Variants in STEAP3 observed in about 807,000 individuals in gnomAD.
STEAP3 encodes the protein metalloreductase STEAP3.
STEAP3 carries 35 observed loss-of-function variants against 34.9 expected under a neutral mutation model. The observed-to-expected ratio is 1.00, with a 90% CI of 0.76 to 1.33. The LOEUF is 1.33. STEAP3 is among the 40% of genes most tolerant of loss of function. The pLI, the probability that STEAP3 is intolerant of heterozygous loss-of-function variation, is 0.00. For synonymous variants in STEAP3, 281 were observed against 301.6 expected, an observed-to-expected ratio of 0.93 and a Z score of 0.71; for missense variants, 652 against 667.6, an observed-to-expected ratio of 0.98 and a Z score of 0.26.
rs974618962 is a variant in STEAP3, at chr2:119,263,434, G to A, written c.*96G>A. On this transcript the variant is annotated 3_prime_UTR_variant, in exon 6 of 6. Transcript: ENST00000393110. ...CTTGGTGGTGCAAAGTGGTATAACT[G>A]TGTGCAAATAGGAGGTTTGAGGTCC... The A allele has an allele frequency of 1.5e-5, 23 of 1,524,842 alleles. No homozygotes were observed. In the African/African-American group the frequency reaches 2.7e-4, roughly 18 times the overall value. The allele number at this position is 1,524,842 out of a possible 1,614,324, so 94.5% of individuals were successfully genotyped here.
At chr2:119,226,814 C>A (rs1314056346) in intron 1 of STEAP3, among the ~76,000 whole-genome samples, 7 of 152,152 alleles carry the variant, frequency 4.6e-5, no homozygotes, top group African/African-American at 9.7e-5. Flanking sequence ...AGCATCCGGG[C>A]CAAACACTTT....
At chr2:119,249,511 G>A (rs766462277) in intron 4 of STEAP3, among the ~76,000 whole-genome samples, 2 of 152,172 alleles carry the variant, frequency 1.3e-5, no homozygotes, top group Non-Finnish European at 2.9e-5. Context: ...CCCAGGTGCT[G>A]GTGAGACACT....
At chr2:119,225,874 A>G (rs1679023854) in intron 1 of STEAP3, among the ~76,000 whole-genome samples, 1 of 152,246 alleles carries the variant, frequency 6.6e-6, no homozygotes, top group Non-Finnish European at 1.5e-5. Context: ...TAAAACAAGT[A>G]TGCCTATTTG....
intron 4 of STEAP3, among the ~76,000 whole-genome samples, chr2:119,251,278 G>A (rs1677618532): frequency 6.6e-6 from 1 of 152,168 alleles, no homozygotes; most frequent in Non-Finnish European, 1.5e-5. Context: ...TGGGTCAAGG[G>A]AGCACATTAG....
rs1573563207 is a variant in STEAP3 at position 119,247,804 on chromosome 2, G to A, written c.648G>A (p.Leu216=). ...CCTGGGAGGTGGAGGCCATGCCCCT[G>A]CGCCTCCTCCCGGCCTGGAAGGTGC... The part of the protein sequence containing the change: ...ASAWEVEAMP[L]RLLPAWKVPT... Residue 216 remains leucine, a synonymous_variant, in exon 4 of 6, where the codon CTG becomes CTA. Transcript: ENST00000393110. 1 of 1,611,546 alleles carries A rather than the reference G, an allele frequency of 6.2e-7. No homozygotes were observed. Among genetic ancestry groups the A allele is most frequent in the African/African-American group, 1.3e-5 (1 of 74,946 alleles).
chr2:119,256,209 A>G (rs1017816798), intron 5 of STEAP3, among the ~76,000 whole-genome samples: 1 of 152,182 alleles, frequency 6.6e-6, no homozygotes, highest in Non-Finnish European at 1.5e-5. Context: ...GATGCTTCAC[A>G]TCCATTGGAA....
chr2:119,229,067 G>C (rs2104788296), intron 1 of STEAP3, among the ~76,000 whole-genome samples: 1 of 152,290 alleles, frequency 6.6e-6, no homozygotes, highest in East Asian at 1.9e-4. Flanking sequence ...CACTGAAGTA[G>C]AGACTCTGGG....
chr2:119,248,896 C>T (rs1481011878), intron 4 of STEAP3: 1 of 152,640 alleles, frequency 6.6e-6, no homozygotes, highest in Non-Finnish European at 1.5e-5. Context: ...CTGCTGGGGC[C>T]AGCGAGGAAG....
intron 5 of STEAP3, among the ~76,000 whole-genome samples, chr2:119,262,227 G>T (rs1228766361): frequency 2.0e-5 from 3 of 152,078 alleles, no homozygotes; most frequent in Admixed American, 6.5e-5. Flanking sequence ...CTTTTTGTCT[G>T]ATCTTAACTT....
intron 4 of STEAP3, among the ~76,000 whole-genome samples, chr2:119,250,136 G>A (rs838079): frequency 0.14 from 21,048 of 152,210 alleles, 2,410 homozygotes; most frequent in African/African-American, 0.32. Flanking sequence ...TTATACCCAC[G>A]CTGCTTTCTA....
Position 119,247,172 on chromosome 2 carries a change from T to A in STEAP3, c.523-507T>A, listed in dbSNP as rs115086913. Among the ~76,000 whole-genome samples, 856 of 152,122 alleles carry A rather than the reference T, an allele frequency of 5.6e-3. 8 individuals carry two copies. Among genetic ancestry groups the A allele is most frequent in the African/African-American group, 0.019 (808 of 41,518 alleles). ...CGGAGAGGGCAGGCTGGAGCTGGCT[T>A]GTAGAAGGCCTTATGTGCTGGCTGA... On this transcript the variant is annotated intron_variant, in intron 3 of 5. Transcript: ENST00000393110.
rs1055648461 is a variant in STEAP3 at position 119,246,064 on chromosome 2, C to T, written c.522+76C>T. On this transcript the variant is annotated intron_variant, in intron 3 of 5. Coordinates refer to ENST00000393110, the MANE Select transcript of STEAP3 (RefSeq NM_182915.3). Reference sequence around the variant, plus strand: ...ATTTTCATCGAGTGCTGCCAGCATGCTCTTTTTGATATGTTATCATAACTA... The same window carrying T: ...ATTTTCATCGAGTGCTGCCAGCATGTTCTTTTTGATATGTTATCATAACTA... The T allele has an allele frequency of 3.5e-5, 54 of 1,521,286 alleles. No individual in the cohort carries two copies. In the African/African-American group the frequency reaches 7.0e-4, roughly 20 times the overall value. 94.2% of individuals were successfully genotyped at this position (1,521,286 alleles called of 1,614,324 possible).
chr2:119,248,196 C>T lies in STEAP3; in HGVS notation c.1040C>T (p.Ala347Val). The T allele has an allele frequency of 6.3e-7, 1 of 1,584,752 alleles. No individual in the cohort carries two copies. The highest frequency in any genetic ancestry group is 8.6e-7 in the Non-Finnish European group (1 of 1,164,072). Residue 347 changes from alanine (A) to valine (V), a missense_variant, in exon 4 of 6, where the codon GCA becomes GTA. Ala to Val is a moderately conservative substitution (Grantham distance 64). Coordinates refer to ENST00000393110, the MANE Select transcript of STEAP3 (RefSeq NM_182915.3). ...CACCGCTACGACCTGGTCAACCTGG[C>T]AGTCAAGCAGGTACCCACCCCATGC... Reference protein sequence around the residue: ...RAHRYDLVNLAVKQVLANKSH... With the variant: ...RAHRYDLVNLVVKQVLANKSH...
Position 119,263,429 on chromosome 2 carries a change from T to A in STEAP3, c.*91T>A. ...CTTTTCTTGGTGGTGCAAAGTGGTA[T>A]AACTGTGTGCAAATAGGAGGTTTGA... On this transcript the variant is annotated 3_prime_UTR_variant, in exon 6 of 6. Transcript: ENST00000393110. 6.5e-7 allele frequency: 1 copy of A among 1,530,944 alleles called. No homozygotes were observed. Among genetic ancestry groups the A allele is most frequent in the Non-Finnish European group, 8.8e-7 (1 of 1,137,470 alleles). 94.8% of individuals were successfully genotyped at this position (1,530,944 alleles called of 1,614,324 possible). A position where few individuals can be genotyped will look rare whatever the true frequency, so the allele number is the denominator to read the frequency against.
intron 2 of STEAP3, 35 bp from the exon 3 acceptor site, chr2:119,245,454 C>G (rs761382284): frequency 8.3e-5 from 128 of 1,548,094 alleles, no homozygotes; most frequent in Non-Finnish European, 1.1e-4. Flanking sequence ...AGTCCAGGAG[C>G]CCTCCACTGA....
At chr2:119,240,357 C>T (rs547281067) in intron 2 of STEAP3, among the ~76,000 whole-genome samples, 2 of 152,396 alleles carry the variant, frequency 1.3e-5, no homozygotes, top group Admixed American at 6.5e-5. Flanking sequence ...GCCTGCAGGC[C>T]GCCCCCACTC....
intron 2 of STEAP3, chr2:119,245,091 T>G: frequency 3.2e-5 from 6 of 185,522 alleles, no homozygotes; most frequent in Admixed American, 1.1e-4. Flanking sequence ...GATGGTGAGG[T>G]TGGGGTTAGA....
chr2:119,235,820 C>G (rs1677078451), intron 2 of STEAP3, among the ~76,000 whole-genome samples: 1 of 152,196 alleles, frequency 6.6e-6, no homozygotes, highest in African/African-American at 2.4e-5. Context: ...CTGGAGACCC[C>G]AGTGGCATGA....
At chr2:119,257,576 CTT>C (rs2104844550) in intron 5 of STEAP3, 3 of 1,541,948 alleles carry the variant, frequency 1.9e-6, no homozygotes, top group Admixed American at 4.0e-5. Flanking sequence ...GCCCTCGGAG[CTT>C]CTGCTGCTCA....
Sources: gnomAD v4.1 joint callset for allele counts (sites outside exome capture counted in the v4.1 genomes callset) on GRCh38, gnomAD v4.1.1 for gene constraint, MANE v1.5 for transcripts, NCBI Gene and HGNC (gene_info 2026-07-23, HGNC 2026-07-21) for gene names.